The following H2BC4 variants were observed in gnomAD, a reference collection of about 807,000 sequenced individuals.
H2BC4 encodes histone H2B type 1-C/E/F/G/I.
In H2BC4, 10 loss-of-function variants were observed where a neutral mutation model predicts 6.2. That is an observed-to-expected ratio of 1.61 (90% CI 0.99 to 2.73). The LOEUF (loss-of-function observed/expected upper bound fraction) is 2.73, where lower values mean the gene tolerates loss of function less well. Ranked by LOEUF, H2BC4 falls within the 30% of genes most tolerant of loss-of-function variation. The pLI, the probability that H2BC4 is intolerant of heterozygous loss-of-function variation, is 0.00. For synonymous variants in H2BC4, 146 were observed against 70.7 expected (o/e 2.07, Z -5.35); for missense variants, 176 against 168.7 (o/e 1.04, Z -0.24).
At chr6:26,121,178 A>G (rs1279868619), downstream of H2BC4, among the ~76,000 whole-genome samples, 1 of 152,204 alleles carries the variant, frequency 6.6e-6, no homozygotes, top group Non-Finnish European at 1.5e-5. Context: ...CTCACAGAGA[A>G]TATCAACATC....
At chr6:26,113,703 A>C (rs893303061), downstream of H2BC4, among the ~76,000 whole-genome samples, 2 of 152,154 alleles carry the variant, frequency 1.3e-5, no homozygotes, top group African/African-American at 4.8e-5. Flanking sequence ...TTAAACAACA[A>C]AATTTTATCA....
chr6:26,123,891 G>A lies in H2BC4; in HGVS notation c.14C>T (p.Ala5Val), dbSNP rs1247630877. The change falls in exon 1 of 1, where the codon GCC becomes GTC. Residue 5 changes from alanine (A) to valine (V), a missense_variant. Coordinates refer to ENST00000396984, the MANE Select transcript of H2BC4 (RefSeq NM_003526.3). Reference sequence around the variant, plus strand: ...CTTCTTCGGGGCGGGAGCAGACTTGGCTGGCTCAGGCATCTTAAAACACCA... The same window carrying A: ...CTTCTTCGGGGCGGGAGCAGACTTGACTGGCTCAGGCATCTTAAAACACCA... MPEP[A>V]KSAPAPKKGS... is the part of the protein sequence containing the mutation. 11 of 1,613,914 alleles carry A rather than the reference G, an allele frequency of 6.8e-6. No individual in the cohort carries two copies. The East Asian group carries it at 8.9e-5, about 13-fold the overall frequency.
downstream of H2BC4, chr6:26,123,315 T>G: frequency 1.1e-6 from 1 of 916,528 alleles, no homozygotes; most frequent in South Asian, 2.0e-5. Flanking sequence ...CCCAAAGCCA[T>G]TTTTAATGGC....
chr6:26,119,117 A>T (rs2113795593), downstream of H2BC4, among the ~76,000 whole-genome samples: 1 of 152,108 alleles, frequency 6.6e-6, no homozygotes, highest in Non-Finnish European at 1.5e-5. Flanking sequence ...AGCTGTTTGG[A>T]TTAACCATAG....
At chr6:26,117,309 A>G (rs1389942383) in intron 1 of H2BC4, among the ~76,000 whole-genome samples, 3 of 152,218 alleles carry the variant, frequency 2.0e-5, no homozygotes, top group Non-Finnish European at 4.4e-5. Flanking sequence ...AAACAGCAGT[A>G]AACACAGTGG....
chr6:26,122,958 C>A (rs998661605), downstream of H2BC4, among the ~76,000 whole-genome samples: 1 of 152,114 alleles, frequency 6.6e-6, no homozygotes, highest in African/African-American at 2.4e-5. Flanking sequence ...AGTTGGAAAC[C>A]CAGGAGACAC....
chr6:26,113,532 A>C (rs1763385436), downstream of H2BC4, among the ~76,000 whole-genome samples: 1 of 152,148 alleles, frequency 6.6e-6, no homozygotes, highest in Non-Finnish European at 1.5e-5. Context: ...ATTGAGGAGA[A>C]CAAGGTCAAC....
downstream of H2BC4, among the ~76,000 whole-genome samples, chr6:26,118,716 AG>A (rs528434227): frequency 2.0e-4 from 31 of 152,306 alleles, no homozygotes; most frequent in East Asian, 5.8e-3. Flanking sequence ...AGAATTCTGG[AG>A]GTCTTTTAAT....
chr6:26,116,319 C>T (rs988963791), intron 1 of H2BC4, among the ~76,000 whole-genome samples: 12 of 152,150 alleles, frequency 7.9e-5, no homozygotes, highest in Admixed American at 6.5e-4. Context: ...CTACAAATTG[C>T]GCATTGGATG....
downstream of H2BC4, among the ~76,000 whole-genome samples, chr6:26,119,921 ATACTT>A (rs1229301630): frequency 1.3e-5 from 2 of 152,106 alleles, no homozygotes; most frequent in African/African-American, 2.4e-5. Context: ...TTTTTACAAA[ATACTT>A]TAAGCTGTTA....
chr6:26,123,380 C>T, downstream of H2BC4: 1 of 1,383,548 alleles, frequency 7.2e-7, no homozygotes, highest in South Asian at 1.5e-5. Flanking sequence ...AACACTTGTC[C>T]CCACCCCTCT....
intron 1 of H2BC4, among the ~76,000 whole-genome samples, chr6:26,116,833 A>G (rs1483577094): frequency 6.6e-6 from 1 of 152,214 alleles, no homozygotes; most frequent in Non-Finnish European, 1.5e-5. Context: ...TCAGACCCCA[A>G]AGAAATTACT....
At chr6:26,122,999 A>T (rs1442299339), downstream of H2BC4, among the ~76,000 whole-genome samples, 1 of 152,232 alleles carries the variant, frequency 6.6e-6, no homozygotes, top group Admixed American at 6.5e-5. Context: ...GGTGTGCGCC[A>T]CGAAAACAGA....
At chr6:26,117,146 C>T (rs1168733700) in intron 1 of H2BC4, among the ~76,000 whole-genome samples, 3 of 152,010 alleles carry the variant, frequency 2.0e-5, no homozygotes, top group South Asian at 4.1e-4. Context: ...TGTTGGACCC[C>T]GGTAAACATA....
At chr6:26,123,079 A>T (rs1373918393), downstream of H2BC4, among the ~76,000 whole-genome samples, 1 of 152,214 alleles carries the variant, frequency 6.6e-6, no homozygotes, top group African/African-American at 2.4e-5. Context: ...TCAGAGTCTC[A>T]AAACAGCTTT....
downstream of H2BC4, chr6:26,114,867 G>A (rs1240218352): frequency 1.3e-5 from 2 of 151,708 alleles, no homozygotes; most frequent in African/African-American, 4.8e-5. Flanking sequence ...CATATAAAAA[G>A]AATAGGAGAT....
chr6:26,114,897 T>G (rs909170520), exon 2 of H2BC4: 2 of 152,094 alleles, frequency 1.3e-5, no homozygotes, highest in Non-Finnish European at 2.9e-5. Context: ...TATTTTAATT[T>G]TGTCTTTATG....
downstream of H2BC4, among the ~76,000 whole-genome samples, chr6:26,122,838 T>C (rs1763520793): frequency 6.6e-6 from 1 of 152,230 alleles, no homozygotes; most frequent in African/African-American, 2.4e-5. Flanking sequence ...TTGAATAGAA[T>C]AAGATGTATG....
At chr6:26,122,677 G>A (rs1763518019), downstream of H2BC4, among the ~76,000 whole-genome samples, 1 of 152,144 alleles carries the variant, frequency 6.6e-6, no homozygotes. Context: ...GTTAAGAGTT[G>A]GCTTCTCCTA....
Sources: gnomAD v4.1 joint callset for allele counts (sites outside exome capture counted in the v4.1 genomes callset) on GRCh38, gnomAD v4.1.1 for gene constraint, MANE v1.5 for transcripts, NCBI Gene and HGNC (gene_info 2026-07-23, HGNC 2026-07-21) for gene names.